Variants in CASK observed in about 807,000 individuals in gnomAD.
CASK encodes the protein calcium/calmodulin dependent serine protein kinase, also known as peripheral plasma membrane protein CASK.
Under a neutral mutation model 82.9 loss-of-function variants are expected in CASK, and 4 were observed. That is an observed-to-expected ratio of 0.05 (90% CI 0.02 to 0.11). The LOEUF is 0.11. CASK is among the 10% of genes least tolerant of loss of function. The pLI is 1.00. For missense variants in CASK, 358 were observed against 720.9 expected (o/e 0.50, Z 5.76); for synonymous variants, 259 against 253.5 (o/e 1.02, Z -0.20).
chrX:41,719,702 G>A (rs766751510), intron 5 of CASK, among the ~76,000 whole-genome samples: 5 of 111,974 alleles, frequency 4.5e-5, no homozygotes, highest in Non-Finnish European at 9.4e-5. Context: ...CCATTGGCTG[G>A]AACGGGACCT....
chrX:41,851,295 G>A (rs2071261671), intron 2 of CASK, among the ~76,000 whole-genome samples: 1 of 112,005 alleles, frequency 8.9e-6, no homozygotes, highest in South Asian at 3.7e-4. Flanking sequence ...AGGACTTGAA[G>A]ACATTTATAT....
chrX:41,866,001 C>T (rs991571175), intron 1 of CASK, among the ~76,000 whole-genome samples: 10 of 112,415 alleles, frequency 8.9e-5, no homozygotes, highest in African/African-American at 3.2e-4. Flanking sequence ...GCTTACTGCT[C>T]CCTACAGAAG....
Position 41,790,146 on chromosome X carries a change from A to G in CASK, c.173-2863T>C, listed in dbSNP as rs2069685612. On this transcript the variant is annotated intron_variant, in intron 2 of 26. Transcript: ENST00000378163. ...TTTTTTTTTCTTTCAGAAGCAAACCATCACAAATGAGGACTTTTTATTTGC... is the reference window on the plus strand; with the variant it reads ...TTTTTTTTTCTTTCAGAAGCAAACCGTCACAAATGAGGACTTTTTATTTGC... The G allele has an allele frequency of 3.7e-6, 3 of 812,710 alleles. No individual in the cohort carries two copies. The East Asian group carries it at 2.4e-4, about 65-fold the overall frequency. The allele number at this position is 812,710 out of a possible 1,213,427, so 67.0% of individuals were successfully genotyped here.
chrX:41,589,497 A>G lies in CASK; in HGVS notation c.1233+18T>C, dbSNP rs199794978. ...AAATATGATGATGCCAAATACTTCT[A>G]TAAAATATATCACTTACCTCTTTGG... On this transcript the variant is annotated intron_variant, in intron 13 of 26. Coordinates refer to ENST00000378163, the MANE Select transcript of CASK (RefSeq NM_001367721.1). The G allele has an allele frequency of 4.0e-4, 448 of 1,128,604 alleles. 1 individual carries two copies. The African/African-American group carries it at 6.5e-3, about 16-fold the overall frequency. 93.0% of individuals were successfully genotyped at this position (1,128,604 alleles called of 1,213,427 possible).
chrX:41,743,799 A>C (rs1041673156), intron 4 of CASK: 43 of 291,250 alleles, frequency 1.5e-4, no homozygotes, highest in African/African-American at 1.0e-3. Context: ...TTTTCAAATG[A>C]TAAAAAGTTT....
In CASK at chrX:41,518,076, T is replaced by G; in HGVS notation, c.*2344A>C. The stretch of plus-strand genomic sequence containing the variant: ...TGTGAATTGTGGGGCCACAGACATT[T>G]AAGTTGGCATTGCTTTTCTCCTCCT... On this transcript the variant is annotated 3_prime_UTR_variant, in exon 27 of 27. Coordinates refer to ENST00000378163, the MANE Select transcript of CASK (RefSeq NM_001367721.1). The G allele has an allele frequency of 3.8e-6, 1 of 260,563 alleles. No homozygotes were observed. The highest frequency in any genetic ancestry group is 6.8e-6 in the Non-Finnish European group (1 of 146,759). 21.5% of individuals were successfully genotyped at this position (260,563 alleles called of 1,213,427 possible). A position where few individuals can be genotyped will look rare whatever the true frequency, so the allele number is the denominator to read the frequency against.
chrX:41,834,092 C>T (rs2070882524), intron 2 of CASK, among the ~76,000 whole-genome samples: 1 of 112,124 alleles, frequency 8.9e-6, no homozygotes. Context: ...GGTCATCCAT[C>T]AATTTTGTTG....
intron 22 of CASK, among the ~76,000 whole-genome samples, chrX:41,536,942 C>T (rs2064882126): frequency 9.0e-6 from 1 of 111,331 alleles, no homozygotes; most frequent in African/African-American, 3.3e-5. Context: ...AAAAAGTATG[C>T]TTACAGAAGA....
chrX:41,674,162 C>T, intron 5 of CASK, among the ~76,000 whole-genome samples: 1 of 110,069 alleles, frequency 9.1e-6, no homozygotes, highest in Admixed American at 9.7e-5. Context: ...AACACAATCT[C>T]ATCAACTAAG....
chrX:41,544,800 C>G lies in CASK; in HGVS notation c.2040-1994G>C, dbSNP rs184974103. 6.0e-3 allele frequency among the ~76,000 whole-genome samples: 659 copies of G among 110,483 alleles called. 4 individuals are homozygous for G. The highest frequency in any genetic ancestry group is 0.02 in the African/African-American group (617 of 30,453). Reference sequence around the variant, plus strand: ...CCTGTAGTCCCAGCTACTAGGAAGGCTGAAGCAGGAGGATGACTTGAGTCC... The same window carrying G: ...CCTGTAGTCCCAGCTACTAGGAAGGGTGAAGCAGGAGGATGACTTGAGTCC... On this transcript the variant is annotated intron_variant, in intron 21 of 26. Coordinates refer to ENST00000378163, the MANE Select transcript of CASK (RefSeq NM_001367721.1).
chrX:41,727,943 C>A (rs749492570), intron 5 of CASK: 3 of 1,176,889 alleles, frequency 2.5e-6, no homozygotes, highest in Non-Finnish European at 3.5e-6. Flanking sequence ...AGCACAGACC[C>A]CATTATATTT....
intron 16 of CASK, among the ~76,000 whole-genome samples, chrX:41,567,838 C>A (rs1465251621): frequency 3.6e-5 from 4 of 111,139 alleles, no homozygotes; most frequent in Non-Finnish European, 5.7e-5. Flanking sequence ...TGGGACCAAC[C>A]CAAATGTCCA....
In CASK at chrX:41,531,048, G is replaced by A; in HGVS notation, c.2479C>T (p.His827Tyr). The change falls in exon 25 of 27, where the codon CAC becomes TAC. Residue 827 changes from histidine (H) to tyrosine (Y), a missense_variant. This residue lies in a region of CASK where 118 missense variants were observed against 169.4 expected (regional missense o/e 0.70). Transcript: ENST00000378163. ...GTKLETIRKI[H>Y]EQGLIAILDV... Reference sequence around the variant, plus strand: ...AGTATTGCAATCAGCCCCTGCTCGTGGATCTTCCGGATGGTCTCCAGTTTT... The same window carrying A: ...AGTATTGCAATCAGCCCCTGCTCGTAGATCTTCCGGATGGTCTCCAGTTTT... The A allele has an allele frequency of 8.3e-7, 1 of 1,211,518 alleles. No homozygotes were observed. The highest frequency in any genetic ancestry group is 1.1e-6 in the Non-Finnish European group (1 of 895,242).
intron 14 of CASK, among the ~76,000 whole-genome samples, chrX:41,580,246 C>T (rs79409064): frequency 2.7e-5 from 3 of 112,100 alleles, no homozygotes; most frequent in South Asian, 3.7e-4. Flanking sequence ...AAATTATGTT[C>T]GTCATATCAC....
chrX:41,739,351 A>T, intron 5 of CASK, 33 bp downstream of exon 5: 1 of 886,665 alleles, frequency 1.1e-6, no homozygotes, highest in Non-Finnish European at 1.7e-6. Flanking sequence ...ATTTCTTCAC[A>T]AACATTAAAG....
At chrX:41,737,095 G>A (rs1056090977) in intron 5 of CASK, among the ~76,000 whole-genome samples, 9 of 112,109 alleles carry the variant, frequency 8.0e-5, no homozygotes, top group African/African-American at 2.9e-4. Context: ...CACAGTGTCA[G>A]TTTGCTTCAG....
At position 41,820,257 on chromosome X, in the gene CASK, T is replaced by C. The variant is rs2070504436; in HGVS notation, c.172+32858A>G. 5.4e-5 allele frequency among the ~76,000 whole-genome samples: 6 copies of C among 110,409 alleles called. No individual in the cohort carries two copies. The South Asian group carries it at 1.9e-3, about 35-fold the overall frequency. On this transcript the variant is annotated intron_variant, in intron 2 of 26. Transcript: ENST00000378163. ...AATGGACAGAAATAAAATAACACAA[T>C]TGTTCAAATAGAAAATCTTAAGGAT...
chrX:41,549,008 C>T (rs766417242), intron 21 of CASK, among the ~76,000 whole-genome samples: 2 of 111,340 alleles, frequency 1.8e-5, no homozygotes, highest in Non-Finnish European at 3.8e-5. Context: ...AAACACATGC[C>T]TACCAATTTA....
At chrX:41,870,484 C>T in intron 1 of CASK, among the ~76,000 whole-genome samples, 1 of 111,388 alleles carries the variant, frequency 9.0e-6, no homozygotes, top group Non-Finnish European at 1.9e-5. Context: ...GGAAAACTAC[C>T]CCGGATAGAA....
Sources: gnomAD v4.1 joint callset for allele counts (sites outside exome capture counted in the v4.1 genomes callset) on GRCh38, gnomAD v4.1.1 for gene constraint, gnomAD v4.1.1 regional missense constraint, MANE v1.5 for transcripts, NCBI Gene and HGNC (gene_info 2026-07-23, HGNC 2026-07-21) for gene names.